ROCK1: variants seen among roughly 807,000 people sequenced by gnomAD.
ROCK1 encodes rho-associated protein kinase 1.
Under a neutral mutation model 196.8 loss-of-function variants are expected in ROCK1, and 36 were observed. The observed-to-expected ratio is 0.18, with a 90% CI of 0.14 to 0.24. The LOEUF is 0.24. ROCK1 is among the 10% of genes least tolerant of loss of function. The pLI, the probability that ROCK1 is intolerant of heterozygous loss-of-function variation, is 1.00. For missense variants in ROCK1, 920 were observed against 1,562.0 expected (o/e 0.59, Z 6.93); for synonymous variants, 443 against 515.9 (o/e 0.86, Z 1.91).
chr18:21,052,425 G>A (rs1362185451), intron 2 of ROCK1, among the ~76,000 whole-genome samples: 2 of 152,200 alleles, frequency 1.3e-5, no homozygotes, highest in Non-Finnish European at 2.9e-5. Flanking sequence ...AAGTAGTCAT[G>A]TAAGAAACCC....
intron 4 of ROCK1, among the ~76,000 whole-genome samples, chr18:21,045,899 G>GCTTTTTTT (rs2036151905): frequency 1.6e-5 from 1 of 62,472 alleles, no homozygotes; most frequent in Non-Finnish European, 2.8e-5. Context: ...AGTTTCAGCT[G>GCTTTTTTT]TTTTTTTTTT....
At chr18:21,002,242 T>C (rs1295049804) in intron 16 of ROCK1, among the ~76,000 whole-genome samples, 4 of 152,150 alleles carry the variant, frequency 2.6e-5, no homozygotes, top group Non-Finnish European at 5.9e-5. Context: ...GGCAAATGGG[T>C]GATTTCAGGT....
intron 2 of ROCK1, 122 bp from the exon 3 acceptor site, chr18:21,050,002 T>C: frequency 2.0e-6 from 1 of 510,548 alleles, no homozygotes; most frequent in Non-Finnish European, 3.3e-6. Context: ...AAGAATTATT[T>C]GAAAATATGG....
At chr18:21,073,888 C>T (rs2036408347) in intron 1 of ROCK1, among the ~76,000 whole-genome samples, 1 of 152,108 alleles carries the variant, frequency 6.6e-6, no homozygotes, top group Non-Finnish European at 1.5e-5. Context: ...TGCTGTGGCT[C>T]ACAACTGCAA....
chr18:20,977,775 T>G (rs2035493876), intron 22 of ROCK1, among the ~76,000 whole-genome samples: 1 of 152,248 alleles, frequency 6.6e-6, no homozygotes, highest in African/African-American at 2.4e-5. Context: ...GATTGGCTTC[T>G]GCCTAAACTG....
chr18:21,039,338 G>T (rs1431554045), intron 9 of ROCK1, 134 bp downstream of exon 9: 10 of 650,640 alleles, frequency 1.5e-5, no homozygotes, highest in Non-Finnish European at 2.1e-5. Flanking sequence ...AATAGGTTAG[G>T]ACAATTCCCA....
At chr18:21,084,577 A>G (rs2036510633) in intron 1 of ROCK1, among the ~76,000 whole-genome samples, 1 of 152,196 alleles carries the variant, frequency 6.6e-6, no homozygotes, top group African/African-American at 2.4e-5. Flanking sequence ...CCATTAGGAT[A>G]GTTATTATTT....
At chr18:21,018,548 AT>A (rs2035885095) in intron 12 of ROCK1, among the ~76,000 whole-genome samples, 1 of 150,506 alleles carries the variant, frequency 6.6e-6, no homozygotes, top group East Asian at 1.9e-4. Context: ...AAAAAAAAAA[AT>A]TTGGATGTAG....
intron 16 of ROCK1, among the ~76,000 whole-genome samples, chr18:21,002,710 G>C (rs2035735376): frequency 6.6e-6 from 1 of 152,010 alleles, no homozygotes; most frequent in Non-Finnish European, 1.5e-5. Context: ...ACCACAAAAA[G>C]ATACAGCCAG....
chr18:20,978,950 T>C (rs73431083), intron 22 of ROCK1, among the ~76,000 whole-genome samples: 1 of 152,226 alleles, frequency 6.6e-6, no homozygotes, highest in Non-Finnish European at 1.5e-5. Context: ...GGTGATTAAA[T>C]GTAAAGAGAA....
chr18:21,006,852 C>G, intron 14 of ROCK1, 62 bp from the exon 15 acceptor site: 2 of 1,190,530 alleles, frequency 1.7e-6, no homozygotes, highest in Non-Finnish European at 2.4e-6. Context: ...ACATATAAAT[C>G]CTTTTTTAAA....
chr18:20,961,275 C>T (rs1272100149), intron 27 of ROCK1, among the ~76,000 whole-genome samples: 1 of 152,044 alleles, frequency 6.6e-6, no homozygotes, highest in Admixed American at 6.6e-5. Flanking sequence ...AATCCTAAGG[C>T]AATATATTGT....
chr18:21,033,381 T>A (rs1390179829), intron 9 of ROCK1, among the ~76,000 whole-genome samples: 2 of 152,128 alleles, frequency 1.3e-5, no homozygotes, highest in African/African-American at 2.4e-5. Flanking sequence ...AACATTATAT[T>A]CAGCGGTGAA....
At chr18:21,030,856 A>G (rs1568388501) in intron 9 of ROCK1, among the ~76,000 whole-genome samples, 2 of 152,334 alleles carry the variant, frequency 1.3e-5, no homozygotes, top group East Asian at 3.9e-4. Flanking sequence ...AACTCAAAGA[A>G]ATCATACCTC....
At chr18:20,990,388 G>T (rs1450307882) in intron 18 of ROCK1, among the ~76,000 whole-genome samples, 1 of 151,638 alleles carries the variant, frequency 6.6e-6, no homozygotes. Context: ...TAAACTGAGG[G>T]AACTAGAAGG....
intron 29 of ROCK1, among the ~76,000 whole-genome samples, chr18:20,959,508 G>A (rs2035306071): frequency 1.3e-5 from 2 of 151,016 alleles, no homozygotes; most frequent in Admixed American, 1.3e-4. Flanking sequence ...CACCGCACCC[G>A]GCCCTCTTTC....
chr18:20,969,257 G>T, intron 23 of ROCK1, 49 bp from the exon 24 acceptor site: 1 of 1,146,574 alleles, frequency 8.7e-7, no homozygotes, highest in Non-Finnish European at 1.3e-6. Context: ...TGCTATTCTC[G>T]TATTTCAGGC....
At chr18:20,952,365 G>C (rs2035197059) in intron 32 of ROCK1, among the ~76,000 whole-genome samples, 1 of 149,108 alleles carries the variant, frequency 6.7e-6, no homozygotes, top group Non-Finnish European at 1.5e-5. Context: ...CTGGGTGACA[G>C]AGCGAGACTC....
At chr18:20,968,265 T>C (rs1025238036) in intron 25 of ROCK1, among the ~76,000 whole-genome samples, 2 of 152,098 alleles carry the variant, frequency 1.3e-5, no homozygotes, top group African/African-American at 4.8e-5. Flanking sequence ...TCTACAACTA[T>C]ACAATATTAC....
Sources: allele counts gnomAD v4.1 joint callset (sites outside exome capture counted in the v4.1 genomes callset), GRCh38; gene constraint gnomAD v4.1.1; transcripts MANE v1.5; gene names NCBI Gene and HGNC (gene_info 2026-07-23, HGNC 2026-07-21).